The following PATJ variants were observed in gnomAD, a reference collection of about 807,000 sequenced individuals.
PATJ encodes PATJ crumbs cell polarity complex component, also known as inaD-like protein.
In PATJ, 190 loss-of-function variants were observed where a neutral mutation model predicts 224.9. The observed-to-expected ratio is 0.84, with a 90% CI of 0.75 to 0.95. PATJ has a LOEUF of 0.95. Ranked by LOEUF, PATJ falls within the 40% of genes least tolerant of loss-of-function variation. The probability of loss-of-function intolerance (pLI) is 0.00; values close to 1 mark genes in which losing one functional copy is unlikely to be tolerated. For missense variants in PATJ, 2,121 were observed against 2,270.3 expected (o/e 0.93, Z 1.34); for synonymous variants, 769 against 820.3 (o/e 0.94, Z 1.07).
chr1:61,778,056 T>A (rs1051461310), intron 7 of PATJ, among the ~76,000 whole-genome samples: 3 of 152,044 alleles, frequency 2.0e-5, no homozygotes, highest in Non-Finnish European at 2.9e-5. Flanking sequence ...GTTTTTCTAT[T>A]TTTTGTAGAG....
At chr1:61,867,168 T>C (rs928630217) in intron 20 of PATJ, among the ~76,000 whole-genome samples, 4 of 152,068 alleles carry the variant, frequency 2.6e-5, no homozygotes, top group Admixed American at 2.0e-4. Context: ...GCCCAGTAGG[T>C]CTCAGCCTCA....
intron 14 of PATJ, among the ~76,000 whole-genome samples, chr1:61,821,515 A>C (rs1657263822): frequency 6.6e-6 from 1 of 152,148 alleles, no homozygotes; most frequent in African/African-American, 2.4e-5. Flanking sequence ...ACTCCTTGCC[A>C]CTTCACATTT....
chr1:62,122,949 C>A (rs1665259403), intron 38 of PATJ, 72 bp from the exon 39 acceptor site: 2 of 941,600 alleles, frequency 2.1e-6, no homozygotes, highest in Admixed American at 2.5e-5. Flanking sequence ...AACCATTTTT[C>A]ATGGGGCAAT....
chr1:61,990,403 T>A (rs545785136), intron 28 of PATJ, 39 bp downstream of exon 28: 1 of 1,492,918 alleles, frequency 6.7e-7, no homozygotes, highest in African/African-American at 1.4e-5. Flanking sequence ...TTTGGTGAAG[T>A]GGATGGGTGC....
chr1:62,152,487 AC>A (rs1210895958), intron 42 of PATJ, among the ~76,000 whole-genome samples: 1 of 151,864 alleles, frequency 6.6e-6, no homozygotes, highest in Non-Finnish European at 1.5e-5. Context: ...CCTCATCTCT[AC>A]TAAAAATACA....
chr1:61,933,821 C>T (rs375272397), intron 27 of PATJ, among the ~76,000 whole-genome samples: 1 of 152,222 alleles, frequency 6.6e-6, no homozygotes, highest in East Asian at 1.9e-4. Context: ...GCACTCCCAT[C>T]CCCCAACCCT....
Position 62,152,285 on chromosome 1 carries a change from G to A in PATJ, c.5379-1073G>A, listed in dbSNP as rs530112726. On this transcript the variant is annotated intron_variant, in intron 42 of 43. Coordinates refer to ENST00000642238, the MANE Select transcript of PATJ (RefSeq NM_001350145.3). Reference sequence around the variant, plus strand: ...GGACCCATCCTCCCAAGGGAGGCAGGAGAGCCTCACATTGGAAGTGAGTTT... The same window carrying A: ...GGACCCATCCTCCCAAGGGAGGCAGAAGAGCCTCACATTGGAAGTGAGTTT... Among the ~76,000 whole-genome samples the A allele has an allele frequency of 2.0e-5, 3 of 152,300 alleles. No individual in the cohort carries two copies. The South Asian group carries it at 6.2e-4, about 32-fold the overall frequency.
At chr1:61,819,563 G>A (rs1656830546) in intron 14 of PATJ, among the ~76,000 whole-genome samples, 1 of 152,102 alleles carries the variant, frequency 6.6e-6, no homozygotes, top group South Asian at 2.1e-4. Context: ...ATAGATCAGT[G>A]GTATGCTGGT....
chr1:62,077,373 C>A (rs1168096949), intron 31 of PATJ, among the ~76,000 whole-genome samples: 1 of 152,056 alleles, frequency 6.6e-6, no homozygotes, highest in Admixed American at 6.6e-5. Context: ...TTGAAAAAGT[C>A]TCTTTTTAGT....
chr1:61,810,556 G>A (rs1286026133), intron 14 of PATJ, among the ~76,000 whole-genome samples: 20 of 152,114 alleles, frequency 1.3e-4, no homozygotes, highest in Admixed American at 1.0e-3. Context: ...ACTTAGCCGG[G>A]CATGGTGGCA....
At chr1:62,125,254 C>CAAAAA (rs779305398) in intron 39 of PATJ, among the ~76,000 whole-genome samples, 9 of 71,406 alleles carry the variant, frequency 1.3e-4, no homozygotes, top group East Asian at 5.0e-4. Context: ...AAAAAAAAAA[C>CAAAAA]AAAAAAAAAC....
chr1:61,767,129 T>A (rs1646328632), intron 4 of PATJ, among the ~76,000 whole-genome samples: 1 of 151,958 alleles, frequency 6.6e-6, no homozygotes, highest in South Asian at 2.1e-4. Flanking sequence ...CTAGAAAACA[T>A]TTGGAAGGAT....
chr1:61,755,151 C>CA (rs1167492780), intron 1 of PATJ, among the ~76,000 whole-genome samples: 1 of 151,048 alleles, frequency 6.6e-6, no homozygotes, highest in Non-Finnish European at 1.5e-5. Flanking sequence ...ACTAAAAATA[C>CA]AAAAAAAATT....
At chr1:62,072,133 T>G (rs911319730) in intron 31 of PATJ, among the ~76,000 whole-genome samples, 1 of 152,112 alleles carries the variant, frequency 6.6e-6, no homozygotes, top group African/African-American at 2.4e-5. Context: ...TTTATTGGTG[T>G]TATTATTTAT....
In PATJ at chr1:61,915,603, G is replaced by C. The variant is rs578058417; in HGVS notation, c.3570+939G>C. Among the ~76,000 whole-genome samples, 15 of 151,092 alleles carry C rather than the reference G, an allele frequency of 9.9e-5. No individual in the cohort carries two copies. The South Asian group carries it at 1.7e-3, about 17-fold the overall frequency. On this transcript the variant is annotated intron_variant, in intron 26 of 43. Coordinates refer to ENST00000642238, the MANE Select transcript of PATJ (RefSeq NM_001350145.3). ...AACTTAGAAAGAAGTTATATCTTTT[G>C]GATGTTGAGACTTTTAAGCCATTAA...
In PATJ at chr1:61,897,162, A is replaced by G. The variant is rs553094766; in HGVS notation, c.3132-2421A>G. 4.6e-5 allele frequency among the ~76,000 whole-genome samples: 7 copies of G among 152,326 alleles called. No homozygotes were observed. The East Asian group carries it at 9.7e-4, about 21-fold the overall frequency. On this transcript the variant is annotated intron_variant, in intron 22 of 43. Coordinates refer to ENST00000642238, the MANE Select transcript of PATJ (RefSeq NM_001350145.3). ...ATGAATATTGGTTGAGCCTCAGTTA[A>G]TATCTAATTTAGTCCTTGTTATTAT...
chr1:61,799,317 C>T (rs1373294622), intron 11 of PATJ, among the ~76,000 whole-genome samples: 1 of 152,092 alleles, frequency 6.6e-6, no homozygotes, highest in Non-Finnish European at 1.5e-5. Flanking sequence ...CTCAGCCTCC[C>T]CAGTAGCTGG....
At chr1:61,911,986 T>C (rs1455877573) in intron 25 of PATJ, among the ~76,000 whole-genome samples, 1 of 149,278 alleles carries the variant, frequency 6.7e-6, no homozygotes, top group Non-Finnish European at 1.5e-5. Context: ...TATTCTAAAC[T>C]TTATTTTCAT....
intron 30 of PATJ, among the ~76,000 whole-genome samples, chr1:62,039,827 T>C (rs1341788275): frequency 6.6e-6 from 1 of 152,060 alleles, no homozygotes; most frequent in Non-Finnish European, 1.5e-5. Flanking sequence ...TCCGGTGCCT[T>C]ATCTACTGGG....
Sources: gnomAD v4.1 joint callset for allele counts (sites outside exome capture counted in the v4.1 genomes callset) on GRCh38, gnomAD v4.1.1 for gene constraint, MANE v1.5 for transcripts, NCBI Gene and HGNC (gene_info 2026-07-23, HGNC 2026-07-21) for gene names.